The following NALCN variants were observed in gnomAD, a reference collection of about 807,000 sequenced individuals.
The protein encoded by NALCN is sodium leak channel NALCN.
Under a neutral mutation model 225.3 loss-of-function variants are expected in NALCN, and 111 were observed. That is an observed-to-expected ratio of 0.49 (90% CI 0.42 to 0.58). NALCN has a LOEUF of 0.58. Among genes scored for constraint, NALCN ranks in the 20% least tolerant of loss-of-function variants. The pLI, the probability that NALCN is intolerant of heterozygous loss-of-function variation, is 0.00. For missense variants in NALCN, 1,378 were observed against 2,202.4 expected (o/e 0.63, Z 7.49); for synonymous variants, 764 against 769.0 (o/e 0.99, Z 0.11).
At chr13:101,193,466 G>A (rs757630938) in intron 13 of NALCN, among the ~76,000 whole-genome samples, 5 of 152,142 alleles carry the variant, frequency 3.3e-5, no homozygotes, top group African/African-American at 7.2e-5. Context: ...AATGAACCAC[G>A]AACTAGAAGA....
intron 41 of NALCN, among the ~76,000 whole-genome samples, chr13:101,060,624 C>G (rs1260441081): frequency 6.6e-6 from 1 of 151,900 alleles, no homozygotes; most frequent in Non-Finnish European, 1.5e-5. Context: ...TGTGGCTATT[C>G]TATTTTTTCT....
At chr13:101,408,318 C>T (rs780584350) in intron 1 of NALCN, among the ~76,000 whole-genome samples, 4 of 152,216 alleles carry the variant, frequency 2.6e-5, no homozygotes, top group East Asian at 1.9e-4. Flanking sequence ...GCCTCTCCTC[C>T]GCGTATCCTT....
intron 17 of NALCN, among the ~76,000 whole-genome samples, chr13:101,130,962 C>T (rs1174407373): frequency 6.6e-6 from 1 of 152,060 alleles, no homozygotes; most frequent in Non-Finnish European, 1.5e-5. Context: ...ATGCAGATGT[C>T]GGATTTTTGA....
Position 101,145,492 on chromosome 13 carries a change from T to C in NALCN, c.1840-596A>G, listed in dbSNP as rs116123555. 5.1e-3 allele frequency among the ~76,000 whole-genome samples: 783 copies of C among 152,316 alleles called. 12 individuals carry two copies. The highest frequency in any genetic ancestry group is 0.018 in the African/African-American group (747 of 41,572). On this transcript the variant is annotated intron_variant, in intron 15 of 43. Coordinates refer to ENST00000251127, the MANE Select transcript of NALCN (RefSeq NM_052867.4). ...CGACGAACTTAAATGCCATATGATATCTTTGTGAGGAATGACAATCAAATG... is the reference window on the plus strand; with the variant it reads ...CGACGAACTTAAATGCCATATGATACCTTTGTGAGGAATGACAATCAAATG...
intron 14 of NALCN, among the ~76,000 whole-genome samples, chr13:101,186,708 G>T (rs1395578924): frequency 2.0e-5 from 3 of 152,046 alleles, no homozygotes. Flanking sequence ...TTCATAATCA[G>T]ATAAATCAAA....
rs558396552 is a variant in NALCN at position 101,135,052 on chromosome 13, G to A, written c.2118+8028C>T. ...TACTAAAAATACAAAAAAATTAGCCGGGCGTGGTTGCGGGCGCCTGTAGTC... is the reference window on the plus strand; with the variant it reads ...TACTAAAAATACAAAAAAATTAGCCAGGCGTGGTTGCGGGCGCCTGTAGTC... On this transcript the variant is annotated intron_variant, in intron 17 of 43. Transcript: ENST00000251127. Among the ~76,000 whole-genome samples, 15 of 152,096 alleles carry A rather than the reference G, an allele frequency of 9.9e-5. No homozygotes were observed. In the East Asian group the frequency reaches 2.3e-3, roughly 24 times the overall value.
chr13:101,268,425 T>C (rs139835097), intron 10 of NALCN, among the ~76,000 whole-genome samples: 1 of 152,192 alleles, frequency 6.6e-6, no homozygotes, highest in Non-Finnish European at 1.5e-5. Flanking sequence ...GAGTCTGCTG[T>C]AGGGTATTTG....
Position 101,341,168 on chromosome 13 carries a change from A to T in NALCN, c.799+4098T>A, listed in dbSNP as rs2045546964. ...ATTTTGTAAATCCTACAGTTACATT[A>T]GCTTTGTTCTTAAAACAAATAGATA... On this transcript the variant is annotated intron_variant, in intron 7 of 43. Coordinates refer to ENST00000251127, the MANE Select transcript of NALCN (RefSeq NM_052867.4). Among the ~76,000 whole-genome samples the T allele has an allele frequency of 2.0e-5, 3 of 152,226 alleles. No homozygotes were observed. In the South Asian group the frequency reaches 6.2e-4, roughly 32 times the overall value.
At chr13:101,235,965 G>A (rs1466444475) in intron 12 of NALCN, among the ~76,000 whole-genome samples, 1 of 152,010 alleles carries the variant, frequency 6.6e-6, no homozygotes, top group African/African-American at 2.4e-5. Context: ...TTTTCCTAAG[G>A]GGTTAGAGTC....
chr13:101,266,120 C>T (rs1360912207), intron 10 of NALCN, among the ~76,000 whole-genome samples: 1 of 152,140 alleles, frequency 6.6e-6, no homozygotes, highest in African/African-American at 2.4e-5. Flanking sequence ...CATCTTTTGG[C>T]TGTAAAACGA....
At chr13:101,209,067 T>A (rs1035185394) in intron 13 of NALCN, among the ~76,000 whole-genome samples, 4 of 152,216 alleles carry the variant, frequency 2.6e-5, no homozygotes, top group Admixed American at 2.6e-4. Context: ...CTGGTGCTGT[T>A]CCTCACTGCT....
intron 13 of NALCN, among the ~76,000 whole-genome samples, chr13:101,211,586 T>C (rs1172424465): frequency 4.6e-5 from 7 of 151,168 alleles, no homozygotes; most frequent in Non-Finnish European, 7.4e-5. Context: ...AATGTTATAG[T>C]AGAAAGGAAA....
At chr13:101,280,549 G>A (rs1193009883) in intron 10 of NALCN, among the ~76,000 whole-genome samples, 1 of 152,092 alleles carries the variant, frequency 6.6e-6, no homozygotes, top group African/African-American at 2.4e-5. Context: ...CCACCTTGAG[G>A]CATCTATTAA....
At chr13:101,245,767 T>A (rs773995258) in intron 11 of NALCN, among the ~76,000 whole-genome samples, 10 of 152,164 alleles carry the variant, frequency 6.6e-5, no homozygotes, top group Non-Finnish European at 1.3e-4. Context: ...CATGCCTGAG[T>A]AGCAAAAGGA....
At chr13:101,380,991 A>T (rs555409114) in intron 3 of NALCN, among the ~76,000 whole-genome samples, 1 of 152,230 alleles carries the variant, frequency 6.6e-6, no homozygotes, top group South Asian at 2.1e-4. Context: ...TTAAAGCTAT[A>T]AACATGGTGG....
intron 6 of NALCN, chr13:101,373,080 A>G: frequency 2.6e-6 from 1 of 391,932 alleles, no homozygotes; most frequent in Non-Finnish European, 5.1e-6. Flanking sequence ...TTGACAAATT[A>G]TAAAAATAGG....
chr13:101,100,727 A>G (rs1457292816), intron 27 of NALCN, 57 bp downstream of exon 27: 1 of 1,423,324 alleles, frequency 7.0e-7, no homozygotes, highest in Non-Finnish European at 9.6e-7. Flanking sequence ...TTGTAGGCAC[A>G]TGCCACCACA....
At chr13:101,190,868 A>C (rs866120632) in intron 14 of NALCN, among the ~76,000 whole-genome samples, 8 of 152,222 alleles carry the variant, frequency 5.3e-5, no homozygotes, top group African/African-American at 1.7e-4. Flanking sequence ...TTTAAACTTC[A>C]TTATCCAGGG....
At chr13:101,082,746 GA>G in intron 33 of NALCN, 62 bp downstream of exon 33, 2 of 1,533,996 alleles carry the variant, frequency 1.3e-6, no homozygotes, top group Non-Finnish European at 1.8e-6. Flanking sequence ...ATCAAAGAGG[GA>G]GGCTGATTTA....
Sources: gnomAD v4.1 joint callset for allele counts (sites outside exome capture counted in the v4.1 genomes callset) on GRCh38, gnomAD v4.1.1 for gene constraint, MANE v1.5 for transcripts, NCBI Gene and HGNC (gene_info 2026-07-23, HGNC 2026-07-21) for gene names.